The following PPEF2 variants were observed in gnomAD, a reference collection of about 807,000 sequenced individuals.
The protein encoded by PPEF2 is protein phosphatase with EF-hand domain 2, also known as serine/threonine-protein phosphatase with EF-hands 2.
Under a neutral mutation model 84.7 loss-of-function variants are expected in PPEF2, and 84 were observed. That is an observed-to-expected ratio of 0.99 (90% CI 0.83 to 1.19). The LOEUF (loss-of-function observed/expected upper bound fraction) is 1.19. PPEF2 is among the 50% of genes most tolerant of loss of function. PPEF2 has a pLI of 0.00. For synonymous variants in PPEF2, 346 were observed against 345.2 expected (o/e 1.00, Z -0.03); for missense variants, 924 against 937.5 (o/e 0.99, Z 0.19).
rs368097651 is a variant in PPEF2 at position 75,870,676 on chromosome 4, G to A, written c.1649+1349C>T. ...CTGAAATAGAATTGCCTCGGTCAAG[G>A]ACTACCTTCACTCAAGGACTAGCTG... On this transcript the variant is annotated intron_variant, in intron 13 of 16. Coordinates refer to ENST00000286719, the MANE Select transcript of PPEF2 (RefSeq NM_006239.3). Among the ~76,000 whole-genome samples the A allele has an allele frequency of 5.3e-5, 8 of 152,270 alleles. No homozygotes were observed. In the South Asian group the frequency reaches 1.0e-3, roughly 20 times the overall value.
intron 11 of PPEF2, among the ~76,000 whole-genome samples, chr4:75,876,083 A>G (rs1013719135): frequency 6.6e-6 from 1 of 152,206 alleles, no homozygotes; most frequent in Non-Finnish European, 1.5e-5. Context: ...TCATCAGGCA[A>G]TAGAGCCTAA....
At chr4:75,893,557 C>T (rs1203281411) in intron 2 of PPEF2, among the ~76,000 whole-genome samples, 1 of 152,152 alleles carries the variant, frequency 6.6e-6, no homozygotes, top group Non-Finnish European at 1.5e-5. Flanking sequence ...GCTGGTGCTA[C>T]AGATTCTTTA....
rs1724327773 is a variant in PPEF2 at position 75,873,247 on chromosome 4, T to G, written c.1386A>C (p.Gly462=). The G allele has an allele frequency of 6.2e-7, 1 of 1,614,178 alleles. No individual in the cohort carries two copies. The highest frequency in any genetic ancestry group is 8.5e-7 in the Non-Finnish European group (1 of 1,180,002). ...QEGCKANTIR[G]GGCYFGPDVT... ...CATCAGGCCCAAAATAACAGCCTCC[T>G]CCTCGAATAGTGTTGGCCTTGCAGC... is the stretch of plus-strand genomic sequence containing the variant. Residue 462 remains glycine, a synonymous_variant, in exon 12 of 17, where the codon GGA becomes GGC. Coordinates refer to ENST00000286719, the MANE Select transcript of PPEF2 (RefSeq NM_006239.3).
intron 13 of PPEF2, among the ~76,000 whole-genome samples, chr4:75,868,522 C>T (rs1724190286): frequency 1.3e-5 from 2 of 151,966 alleles, no homozygotes. Flanking sequence ...AAGTGGGCTA[C>T]ATAGATCCTT....
chr4:75,896,335 G>T lies in PPEF2; in HGVS notation c.-10C>A, dbSNP rs376923777. 5.0e-6 allele frequency: 8 copies of T among 1,614,042 alleles called. No homozygotes were observed. The highest frequency in any genetic ancestry group is 6.8e-6 in the Non-Finnish European group (8 of 1,179,922). Reference sequence around the variant, plus strand: ...AGGTGCCGCTTCCCATAGTTTAAGCGCAATGCTCCTGCAGGACGCAGCAGA... The same window carrying T: ...AGGTGCCGCTTCCCATAGTTTAAGCTCAATGCTCCTGCAGGACGCAGCAGA... On this transcript the variant is annotated 5_prime_UTR_variant, in exon 2 of 17. Transcript: ENST00000286719.
chr4:75,895,257 G>A (rs558774152), intron 2 of PPEF2, among the ~76,000 whole-genome samples: 7 of 150,188 alleles, frequency 4.7e-5, no homozygotes, highest in African/African-American at 7.4e-5. Context: ...GTGAAGCCCC[G>A]TCTCTACTAA....
intron 10 of PPEF2, among the ~76,000 whole-genome samples, chr4:75,878,227 CGGTCATCATGGCACTG>C (rs1274379239): frequency 6.6e-6 from 1 of 152,162 alleles, no homozygotes; most frequent in East Asian, 1.9e-4. Flanking sequence ...CTCTCACTTG[CGGTCATCATGGCACTG>C]GGACTGGGCT....
intron 1 of PPEF2, among the ~76,000 whole-genome samples, chr4:75,901,889 C>G (rs1213665845): frequency 1.3e-5 from 2 of 152,108 alleles, no homozygotes; most frequent in African/African-American, 4.8e-5. Flanking sequence ...TGCTTGAGCC[C>G]AGGAGTTCGA....
Position 75,876,549 on chromosome 4 carries a change from G to C in PPEF2, c.1058C>G (p.Ser353Cys), listed in dbSNP as rs376920660. The C allele has an allele frequency of 6.2e-6, 10 of 1,614,062 alleles. No homozygotes were observed. Among genetic ancestry groups the C allele is most frequent in the Non-Finnish European group, 7.6e-6 (9 of 1,180,048 alleles). The change falls in exon 11 of 17, where the codon TCT becomes TGT. Residue 353 changes from serine (S) to cysteine (C), a missense_variant. By Grantham distance (112) the Ser-to-Cys change is moderately radical. Transcript: ENST00000286719. Reference protein sequence around the residue: ...PIPWFLPESRSLPSSPLRLGS... With the variant: ...PIPWFLPESRCLPSSPLRLGS... Reference sequence around the variant, plus strand: ...AAGCCGAAGGGGCGAAGAGGGAAGAGAGCGGCTTTCGGGGAGAAACCATGG... The same window carrying C: ...AAGCCGAAGGGGCGAAGAGGGAAGACAGCGGCTTTCGGGGAGAAACCATGG...
At chr4:75,872,630 T>TACTG (rs912417961) in intron 12 of PPEF2, among the ~76,000 whole-genome samples, 1 of 152,220 alleles carries the variant, frequency 6.6e-6, no homozygotes, top group African/African-American at 2.4e-5. Context: ...AAATGCTAGA[T>TACTG]ACTGTATCTC....
intron 8 of PPEF2, among the ~76,000 whole-genome samples, chr4:75,884,194 C>T (rs549651351): frequency 4.0e-5 from 6 of 151,100 alleles, no homozygotes; most frequent in African/African-American, 1.5e-4. Context: ...CTTTGGGAGG[C>T]CAAGGGGGTG....
rs1578005971 is a variant in PPEF2, at chr4:75,876,488, G to C, written c.1119C>G (p.Ser373=). The change falls in exon 11 of 17, where the codon TCC becomes TCG. Residue 373 remains serine, a synonymous_variant. Transcript: ENST00000286719. ...CCAGGGAACCGCTGCAGGGGATGCTGGAGGACCTGCTGGTTTTCTGGGCCT... is the reference window on the plus strand; with the variant it reads ...CCAGGGAACCGCTGCAGGGGATGCTCGAGGACCTGCTGGTTTTCTGGGCCT... The part of the protein sequence containing the change: ...SYKAQKTSRS[S]SIPCSGSLDG... 3 of 1,613,984 alleles carry C rather than the reference G, an allele frequency of 1.9e-6. No individual in the cohort carries two copies. The East Asian group carries it at 6.7e-5, about 36-fold the overall frequency.
chr4:75,889,223 AC>A (rs1475219433), intron 5 of PPEF2: 1 of 152,556 alleles, frequency 6.6e-6, no homozygotes, highest in African/African-American at 2.4e-5. Flanking sequence ...AAAAAACAAA[AC>A]AAAAAAACAA....
At position 75,884,616 on chromosome 4, in the gene PPEF2, C is replaced by T. The variant is rs752432516; in HGVS notation, c.724G>A (p.Glu242Lys). ...KEFHLNRGNHEDHMVNLRYGF... is the reference protein window; with the variant it reads ...KEFHLNRGNHKDHMVNLRYGF... ...TACCGTAAGTTCACCATATGGTCCT[C>T]ATGGTTTCCTCTGTTAAGATGGAAC... Residue 242 changes from glutamate to lysine, a missense_variant, in exon 8 of 17, where the codon GAG becomes AAG. Glu to Lys is a moderately conservative substitution (Grantham distance 56). Transcript: ENST00000286719. 4 of 1,608,694 alleles carry T rather than the reference C, an allele frequency of 2.5e-6. No homozygotes were observed. Among genetic ancestry groups the T allele is most frequent in the Non-Finnish European group, 3.4e-6 (4 of 1,178,744 alleles).
chr4:75,897,755 C>T (rs1050605497), intron 1 of PPEF2, among the ~76,000 whole-genome samples: 12 of 152,080 alleles, frequency 7.9e-5, no homozygotes, highest in East Asian at 1.9e-4. Context: ...CCAGCCTGGG[C>T]GACAGAGCAA....
In PPEF2 at chr4:75,876,411, T is replaced by C; in HGVS notation, c.1196A>G (p.Glu399Gly). 4.3e-6 allele frequency: 7 copies of C among 1,614,160 alleles called. No individual in the cohort carries two copies. The highest frequency in any genetic ancestry group is 5.9e-6 in the Non-Finnish European group (7 of 1,180,038). ...GAGGCCTGCTTGCTGCCGGCACCGCTCTAGCTCCAGTTCCACGGAGCTCCG... is the reference window on the plus strand; with the variant it reads ...GAGGCCTGCTTGCTGCCGGCACCGCCCTAGCTCCAGTTCCACGGAGCTCCG... ...QVRSSVELEL[E>G]RCRQQAGLLV... The change falls in exon 11 of 17, where the codon GAG becomes GGG. Residue 399 changes from glutamate to glycine, a missense_variant. Physicochemically the swap from Glu to Gly is moderately conservative, Grantham distance 98. Coordinates refer to ENST00000286719, the MANE Select transcript of PPEF2 (RefSeq NM_006239.3).
chr4:75,897,205 C>G (rs888436752), intron 1 of PPEF2, among the ~76,000 whole-genome samples: 1 of 152,146 alleles, frequency 6.6e-6, no homozygotes, highest in African/African-American at 2.4e-5. Flanking sequence ...ATACTAAACT[C>G]TTATGTTTAC....
rs541626307 is a variant in PPEF2, at chr4:75,902,219, A to G, written c.-59+11T>C. The stretch of plus-strand genomic sequence containing the variant: ...CCCATTTCTACTTTAGGCTAGACAG[A>G]AAGTTCTTACCTTCTTTGCTGGGTT... On this transcript the variant is annotated intron_variant, in intron 1 of 16. Transcript: ENST00000286719. 1 of 152,388 alleles carries G rather than the reference A, an allele frequency of 6.6e-6. No individual in the cohort carries two copies. Among genetic ancestry groups the G allele is most frequent in the Admixed American group, 6.5e-5 (1 of 15,308 alleles). 9.4% of individuals were successfully genotyped at this position (152,388 alleles called of 1,614,324 possible).
chr4:75,891,729 T>A, intron 3 of PPEF2, 24 bp from the exon 4 acceptor site: 1 of 1,607,416 alleles, frequency 6.2e-7, no homozygotes, highest in African/African-American at 1.3e-5. Context: ...CAAGGAGACG[T>A]GGCTTTAGAG....
Sources: gnomAD v4.1 joint callset for allele counts (sites outside exome capture counted in the v4.1 genomes callset) on GRCh38, gnomAD v4.1.1 for gene constraint, MANE v1.5 for transcripts, NCBI Gene and HGNC (gene_info 2026-07-23, HGNC 2026-07-21) for gene names.